The following ASCC3 variants were observed in gnomAD, a reference collection of about 807,000 sequenced individuals.
The protein encoded by ASCC3 is ASC-1 complex subunit P200.
ASCC3 carries 158 observed loss-of-function variants against 256.3 expected under a neutral mutation model. The ratio of observed to expected loss-of-function variants is 0.62; its 90% CI spans 0.54 to 0.70. ASCC3 has a LOEUF of 0.70. ASCC3 is among the 30% of genes least tolerant of loss of function. ASCC3 has a pLI of 0.00. For missense variants in ASCC3, 2,259 were observed against 2,626.0 expected (o/e 0.86, Z 3.05); for synonymous variants, 948 against 883.4 (o/e 1.07, Z -1.30).
intron 14 of ASCC3, among the ~76,000 whole-genome samples, chr6:100,676,162 T>C (rs1776995336): frequency 6.6e-6 from 1 of 152,144 alleles, no homozygotes. Context: ...ATATTGTTTA[T>C]TATCCTTTTG....
chr6:100,725,401 TC>T (rs1314595768), intron 11 of ASCC3, 137 bp downstream of exon 11: 20 of 1,039,576 alleles, frequency 1.9e-5, no homozygotes, highest in Non-Finnish European at 1.4e-6. Flanking sequence ...ACAGGTACAT[TC>T]CCCCTTTTAA....
chr6:100,705,302 A>T (rs569959385), intron 13 of ASCC3, among the ~76,000 whole-genome samples: 1 of 152,062 alleles, frequency 6.6e-6, no homozygotes, highest in Non-Finnish European at 1.5e-5. Flanking sequence ...ACGAGCACGC[A>T]AGTTTAGATC....
chr6:100,606,836 C>G lies in ASCC3; in HGVS notation c.4948G>C (p.Ala1650Pro). Reference sequence around the variant, plus strand: ...TGAGCTGGAAAGTTTACACCCCAGGCTAATGTGCTTGTAGCAATAAGAACC... The same window carrying G: ...TGAGCTGGAAAGTTTACACCCCAGGGTAATGTGCTTGTAGCAATAAGAACC... ...VQVLIATSTL[A>P]WGVNFPAHLV... Residue 1650 changes from alanine to proline, a missense_variant, in exon 32 of 42, where the codon GCC becomes CCC. This residue lies in a region of ASCC3 where 1,839 missense variants were observed against 2,206.7 expected (regional missense o/e 0.83). Transcript: ENST00000369162. 1 of 1,612,024 alleles carries G rather than the reference C, an allele frequency of 6.2e-7. No homozygotes were observed. The highest frequency in any genetic ancestry group is 8.5e-7 in the Non-Finnish European group (1 of 1,179,056).
intron 36 of ASCC3, among the ~76,000 whole-genome samples, chr6:100,568,211 T>C (rs765905545): frequency 6.6e-6 from 1 of 151,792 alleles, no homozygotes; most frequent in South Asian, 2.1e-4. Flanking sequence ...CAACTAAAAC[T>C]ATAAAAATTA....
At chr6:100,628,360 T>TA (rs1774356615) in intron 27 of ASCC3, among the ~76,000 whole-genome samples, 1 of 152,148 alleles carries the variant, frequency 6.6e-6, no homozygotes, top group Admixed American at 6.5e-5. Context: ...CAACAGTTAA[T>TA]AAAAATATAT....
intron 2 of ASCC3, among the ~76,000 whole-genome samples, chr6:100,866,054 C>T (rs1773462815): frequency 6.6e-6 from 1 of 152,066 alleles, no homozygotes; most frequent in Non-Finnish European, 1.5e-5. Flanking sequence ...ACTGAAACCT[C>T]TGTCTTCCAG....
chr6:100,868,019 A>G lies in ASCC3; in HGVS notation c.-22T>C. 6.4e-7 allele frequency: 1 copy of G among 1,562,088 alleles called. No homozygotes were observed. Among genetic ancestry groups the G allele is most frequent in the African/African-American group, 1.4e-5 (1 of 73,970 alleles). On this transcript the variant is annotated 5_prime_UTR_variant, in exon 2 of 42. The change abolishes an upstream ATG in the 5' untranslated region. Transcript: ENST00000369162. Reference sequence around the variant, plus strand: ...CCATCTATTATTCAATCAGTGATCCATACAGCAAGAAACCTGAAACTGAAA... The same window carrying G: ...CCATCTATTATTCAATCAGTGATCCGTACAGCAAGAAACCTGAAACTGAAA...
chr6:100,727,869 C>A (rs1779714192), intron 10 of ASCC3, among the ~76,000 whole-genome samples: 1 of 152,026 alleles, frequency 6.6e-6, no homozygotes, highest in South Asian at 2.1e-4. Flanking sequence ...AGGGATCATT[C>A]TAAGGAGAAA....
intron 36 of ASCC3, among the ~76,000 whole-genome samples, chr6:100,576,546 G>GT (rs1199251872): frequency 1.3e-5 from 2 of 151,940 alleles, no homozygotes; most frequent in African/African-American, 4.8e-5. Context: ...TATAGAACCT[G>GT]TAACAACTTA....
intron 28 of ASCC3, 59 bp from the exon 29 acceptor site, chr6:100,627,769 A>G: frequency 6.2e-7 from 1 of 1,608,032 alleles, no homozygotes; most frequent in Non-Finnish European, 8.5e-7. Context: ...TTATAAGGTT[A>G]TAATATCTCT....
chr6:100,623,234 C>T (rs1189832980), intron 30 of ASCC3, among the ~76,000 whole-genome samples: 1 of 152,054 alleles, frequency 6.6e-6, no homozygotes, highest in East Asian at 1.9e-4. Flanking sequence ...TTACTTTGAA[C>T]ATAAATTATT....
chr6:100,854,520 A>G (rs1383525535), intron 3 of ASCC3, among the ~76,000 whole-genome samples: 1 of 152,210 alleles, frequency 6.6e-6, no homozygotes, highest in Non-Finnish European at 1.5e-5. Flanking sequence ...AAAGGAAAGC[A>G]AACAAAGATA....
intron 36 of ASCC3, among the ~76,000 whole-genome samples, chr6:100,555,409 A>G (rs1175143828): frequency 6.6e-6 from 1 of 152,214 alleles, no homozygotes; most frequent in East Asian, 1.9e-4. Flanking sequence ...CCCTCAACCA[A>G]TTAGGACAAG....
intron 8 of ASCC3, among the ~76,000 whole-genome samples, chr6:100,783,857 A>T (rs1562294400): frequency 6.6e-6 from 1 of 152,202 alleles, no homozygotes; most frequent in Admixed American, 6.5e-5. Context: ...CACGTACTAC[A>T]TATGAGGTTT....
intron 36 of ASCC3, among the ~76,000 whole-genome samples, chr6:100,575,637 CACT>C (rs1329223514): frequency 6.6e-6 from 1 of 151,952 alleles, no homozygotes; most frequent in African/African-American, 2.4e-5. Flanking sequence ...ATAAGAATTT[CACT>C]ACTTTTAATA....
Position 100,631,131 on chromosome 6 carries a change from T to C in ASCC3, c.4205A>G (p.Lys1402Arg), listed in dbSNP as rs1472801413. 1 of 1,606,770 alleles carries C rather than the reference T, an allele frequency of 6.2e-7. No homozygotes were observed. The highest frequency in any genetic ancestry group is 8.5e-7 in the Non-Finnish European group (1 of 1,174,268). ...WKVRIEEKLG[K>R]KVIELTGDVT... ...TTGAGTAAAAGTAAGAACTTACTTTTTACCAAGTTTTTCTTCTATTCTAAC... is the reference window on the plus strand; with the variant it reads ...TTGAGTAAAAGTAAGAACTTACTTTCTACCAAGTTTTTCTTCTATTCTAAC... The change falls in exon 26 of 42, where the codon AAA becomes AGA. Residue 1402 changes from lysine to arginine, a missense_variant. This residue lies in a region of ASCC3 where 1,839 missense variants were observed against 2,206.7 expected (regional missense o/e 0.83). Transcript: ENST00000369162.
chr6:100,778,112 A>AAG (rs1562290480), intron 8 of ASCC3, among the ~76,000 whole-genome samples: 1 of 151,532 alleles, frequency 6.6e-6, no homozygotes, highest in African/African-American at 2.4e-5. Flanking sequence ...GGAAAAAAAA[A>AAG]AAGAGAGATA....
intron 36 of ASCC3, among the ~76,000 whole-genome samples, chr6:100,572,774 CA>C (rs1172306892): frequency 1.3e-5 from 2 of 151,704 alleles, no homozygotes; most frequent in African/African-American, 2.4e-5. Flanking sequence ...AGTGAATGAA[CA>C]AAAAAATGCT....
intron 26 of ASCC3, among the ~76,000 whole-genome samples, chr6:100,630,424 G>A (rs240147): frequency 0.57 from 85,144 of 150,266 alleles, 24,171 homozygotes; most frequent in East Asian, 0.73. Context: ...AGAACCACAT[G>A]TTCATATTCT....
Sources: gnomAD v4.1 joint callset for allele counts (sites outside exome capture counted in the v4.1 genomes callset) on GRCh38, gnomAD v4.1.1 for gene constraint, gnomAD v4.1.1 regional missense constraint, MANE v1.5 for transcripts, NCBI Gene and HGNC (gene_info 2026-07-23, HGNC 2026-07-21) for gene names.